Variants in ELAPOR2 observed in about 807,000 individuals in gnomAD.
ELAPOR2 encodes the protein endosome-lysosome associated apoptosis and autophagy regulator family member 2.
ELAPOR2 carries 89 observed loss-of-function variants against 120.7 expected under a neutral mutation model. That is an observed-to-expected ratio of 0.74 (90% CI 0.62 to 0.88). ELAPOR2 has a LOEUF of 0.88. Ranked by LOEUF, ELAPOR2 falls within the 40% of genes least tolerant of loss-of-function variation. The probability of loss-of-function intolerance (pLI) is 0.00; values close to 1 mark genes in which losing one functional copy is unlikely to be tolerated. For missense variants in ELAPOR2, 1,134 were observed against 1,251.6 expected (o/e 0.91, Z 1.42); for synonymous variants, 444 against 444.9 (o/e 1.00, Z 0.03).
intron 1 of ELAPOR2, among the ~76,000 whole-genome samples, chr7:86,968,931 C>T (rs1345621866): frequency 6.6e-6 from 1 of 152,134 alleles, no homozygotes; most frequent in Non-Finnish European, 1.5e-5. Context: ...GGTGTGGAGA[C>T]ACTGCCCCAA....
intron 1 of ELAPOR2, among the ~76,000 whole-genome samples, chr7:86,971,913 T>C (rs1792119513): frequency 6.6e-6 from 1 of 152,114 alleles, no homozygotes. Context: ...TTGAGAATTG[T>C]TAAAGTATGC....
intron 1 of ELAPOR2, among the ~76,000 whole-genome samples, chr7:87,041,553 G>A (rs1469471374): frequency 6.6e-6 from 1 of 151,928 alleles, no homozygotes. Context: ...TTACAGACAA[G>A]CAAATGCTGA....
Position 86,938,141 on chromosome 7 carries a change from A to G in ELAPOR2, c.1074T>C (p.Cys358=), listed in dbSNP as rs1218777823. ...CTGCTGGTACCTTTCCTTCTTCATC[A>G]CATGGAGTATGGATCTGGAAATAGT... The part of the protein sequence containing the change: ...TKDYFQIHTP[C]DEEGKTQIMY... The change falls in exon 8 of 22, where the codon TGT becomes TGC. Residue 358 remains cysteine, a synonymous_variant. Transcript: ENST00000450689. 1 of 1,550,770 alleles carries G rather than the reference A, an allele frequency of 6.4e-7. No homozygotes were observed. The highest frequency in any genetic ancestry group is 1.4e-5 in the African/African-American group (1 of 73,026).
At chr7:86,910,031 T>C in intron 15 of ELAPOR2, 30 bp from the exon 16 acceptor site, 1 of 1,548,842 alleles carries the variant, frequency 6.5e-7, no homozygotes, top group Non-Finnish European at 8.8e-7. Flanking sequence ...AAAGAAAGGT[T>C]TTATTGGATG....
chr7:86,962,614 C>G (rs1791759353), intron 2 of ELAPOR2, among the ~76,000 whole-genome samples: 1 of 152,164 alleles, frequency 6.6e-6, no homozygotes, highest in Non-Finnish European at 1.5e-5. Context: ...AATCCTAGAC[C>G]TGCCGCATCC....
chr7:86,985,490 C>G, intron 1 of ELAPOR2, among the ~76,000 whole-genome samples: 1 of 152,150 alleles, frequency 6.6e-6, no homozygotes. Flanking sequence ...AGCTTATCCA[C>G]CACAATCAAG....
chr7:86,884,222 A>C (rs947249186), intron 21 of ELAPOR2, among the ~76,000 whole-genome samples: 5 of 152,114 alleles, frequency 3.3e-5, no homozygotes, highest in Non-Finnish European at 5.9e-5. Flanking sequence ...TTTATACTCT[A>C]ATTGGAGAGG....
At chr7:87,006,589 T>C (rs1793485923) in intron 1 of ELAPOR2, among the ~76,000 whole-genome samples, 1 of 152,122 alleles carries the variant, frequency 6.6e-6, no homozygotes, top group Admixed American at 6.6e-5. Context: ...GTGAAGCAAC[T>C]AGAACACTCA....
intron 1 of ELAPOR2, among the ~76,000 whole-genome samples, chr7:87,033,790 A>G (rs1794493248): frequency 6.6e-6 from 1 of 152,066 alleles, no homozygotes; most frequent in Non-Finnish European, 1.5e-5. Flanking sequence ...AAAAATCAAT[A>G]GTGTAGAAAA....
rs148173763 is a variant in ELAPOR2, at chr7:86,955,372, TTCTC to T, written c.311-7454_311-7451del. Among the ~76,000 whole-genome samples, 783 of 152,262 alleles carry T rather than the reference TTCTC, an allele frequency of 5.1e-3. 9 individuals are homozygous for T. Among genetic ancestry groups the T allele is most frequent in the African/African-American group, 0.018 (743 of 41,566 alleles). On this transcript the variant is annotated intron_variant, in intron 2 of 21. Coordinates refer to ENST00000450689, the MANE Select transcript of ELAPOR2 (RefSeq NM_001142749.3). Reference sequence around the variant, plus strand: ...TTCCCCTGGCTGAAGGGAATTCTTGTTCTCTCTAATTGGGAATTTTTTTTTTATC... The same window carrying T: ...TTCCCCTGGCTGAAGGGAATTCTTGTTCTAATTGGGAATTTTTTTTTTATC...
Position 86,912,115 on chromosome 7 carries a change from G to T in ELAPOR2, c.2126C>A (p.Thr709Lys), listed in dbSNP as rs1176419313. Residue 709 changes from threonine (T) to lysine (K), a missense_variant, in exon 15 of 22, where the codon ACA (threonine) becomes AAA (lysine). By Grantham distance (78) the Thr-to-Lys change is moderately conservative (BLOSUM62 -1). This residue lies in a region of ELAPOR2 where 831 missense variants were observed against 867.6 expected (regional missense o/e 0.96). Transcript: ENST00000450689. ...GATATTGAAGAAATGGAAGTATTTT[G>T]TTCCTTTGGAGGTGAAGCTGGGGCC... is the stretch of plus-strand genomic sequence containing the variant. ...MNGPSFTSKG[T>K]KYFHFFNISL... The T allele has an allele frequency of 1.9e-6, 3 of 1,611,698 alleles. No individual in the cohort carries two copies. Among genetic ancestry groups the T allele is most frequent in the Middle Eastern group, 1.6e-4 (1 of 6,072 alleles).
chr7:86,964,518 T>C (rs1306985670), intron 2 of ELAPOR2, among the ~76,000 whole-genome samples: 2 of 152,188 alleles, frequency 1.3e-5, no homozygotes, highest in Admixed American at 1.3e-4. Context: ...AATATGAATA[T>C]ATTTAATGCC....
intron 1 of ELAPOR2, among the ~76,000 whole-genome samples, chr7:87,013,594 A>G (rs553048477): frequency 1.3e-5 from 2 of 152,148 alleles, no homozygotes; most frequent in African/African-American, 2.4e-5. Flanking sequence ...GAAGAAGATT[A>G]TGGTGAATTA....
At chr7:86,945,181 T>C (rs1790950227) in intron 3 of ELAPOR2, 135 bp from the exon 4 acceptor site, 1 of 682,040 alleles carries the variant, frequency 1.5e-6, no homozygotes, top group African/African-American at 1.9e-5. Flanking sequence ...TTTTCCAGAC[T>C]CAAAGGCCAA....
At chr7:86,925,175 A>G (rs1790011166) in intron 10 of ELAPOR2, among the ~76,000 whole-genome samples, 1 of 151,996 alleles carries the variant, frequency 6.6e-6, no homozygotes, top group Non-Finnish European at 1.5e-5. Context: ...AGCCAGACTA[A>G]TCAAGACAGA....
chr7:87,034,903 T>C (rs1794535829), intron 1 of ELAPOR2, among the ~76,000 whole-genome samples: 1 of 152,002 alleles, frequency 6.6e-6, no homozygotes, highest in Non-Finnish European at 1.5e-5. Flanking sequence ...GCCAACATGG[T>C]GAAACCCCGT....
rs1490249846 is a variant in ELAPOR2 at position 86,909,876 on chromosome 7, A to G, written c.2295T>C (p.Ser765=). ...AFVCQSTIIP[S]ESKGFRAALS... The stretch of plus-strand genomic sequence containing the variant: ...AGGCTGCTCGGAAACCCTTACTTTC[A>G]GAAGGAATAATTGTTGACTGGCATA... The change falls in exon 16 of 22, where the codon TCT becomes TCC. Residue 765 remains serine (S), a synonymous_variant. Coordinates refer to ENST00000450689, the MANE Select transcript of ELAPOR2 (RefSeq NM_001142749.3). 6.2e-7 allele frequency: 1 copy of G among 1,613,442 alleles called. No homozygotes were observed.
At chr7:87,053,383 T>G (rs768428810) in intron 1 of ELAPOR2, among the ~76,000 whole-genome samples, 6 of 152,196 alleles carry the variant, frequency 3.9e-5, no homozygotes, top group Non-Finnish European at 5.9e-5. Flanking sequence ...AGGGGAGAGA[T>G]AACATTTGTG....
At chr7:86,967,501 C>T (rs914417954) in intron 1 of ELAPOR2, among the ~76,000 whole-genome samples, 3 of 152,114 alleles carry the variant, frequency 2.0e-5, no homozygotes, top group Non-Finnish European at 4.4e-5. Context: ...CCATGTTCCA[C>T]TGAAAAGATT....
Sources: gnomAD v4.1 joint callset for allele counts (sites outside exome capture counted in the v4.1 genomes callset) on GRCh38, gnomAD v4.1.1 for gene constraint, gnomAD v4.1.1 regional missense constraint, MANE v1.5 for transcripts, NCBI Gene and HGNC (gene_info 2026-07-23, HGNC 2026-07-21) for gene names.